Variants in RASEF observed in about 807,000 individuals in gnomAD.
The protein encoded by RASEF is ras and EF-hand domain-containing protein.
In RASEF, 68 loss-of-function variants were observed where a neutral mutation model predicts 90.1. That is an observed-to-expected ratio of 0.75 (90% CI 0.62 to 0.92). The LOEUF (loss-of-function observed/expected upper bound fraction) is 0.92. Among genes scored for constraint, RASEF ranks in the 40% least tolerant of loss-of-function variants. The pLI, the probability that RASEF is intolerant of heterozygous loss-of-function variation, is 0.00. For synonymous variants in RASEF, 331 were observed against 345.2 expected, an observed-to-expected ratio of 0.96 and a Z score of 0.46; for missense variants, 949 against 937.2, an observed-to-expected ratio of 1.01 and a Z score of -0.16.
chr9:83,057,288 C>T (rs1410149925), intron 1 of RASEF, among the ~76,000 whole-genome samples: 1 of 151,994 alleles, frequency 6.6e-6, no homozygotes, highest in Non-Finnish European at 1.5e-5. Flanking sequence ...TCTAGAAAAC[C>T]CTAAAGACTC....
the RASEF span, among the ~76,000 whole-genome samples, chr9:83,077,759 A>G: frequency 1.3e-5 from 2 of 152,198 alleles, no homozygotes; most frequent in Non-Finnish European, 2.9e-5. Context: ...TACTCATGGG[A>G]GGGAACCATC....
chr9:82,993,122 G>T, intron 14 of RASEF, 97 bp from the exon 15 acceptor site: 1 of 1,319,692 alleles, frequency 7.6e-7, no homozygotes, highest in Non-Finnish European at 1.0e-6. Context: ...TTTTCCCTTT[G>T]CCTCCTTTGT....
the RASEF span, among the ~76,000 whole-genome samples, chr9:83,097,209 C>T: frequency 6.6e-6 from 1 of 152,226 alleles, no homozygotes; most frequent in African/African-American, 2.4e-5. Context: ...AATCGCCACA[C>T]TGTCTTCCAC....
chr9:82,998,828 T>C (rs1391518547), intron 12 of RASEF, among the ~76,000 whole-genome samples: 2 of 152,136 alleles, frequency 1.3e-5, no homozygotes, highest in African/African-American at 4.8e-5. Flanking sequence ...TGTATGTGTG[T>C]AGGTGCAGAT....
At chr9:83,122,391 G>A in the RASEF span, among the ~76,000 whole-genome samples, 2 of 152,230 alleles carry the variant, frequency 1.3e-5, no homozygotes, top group Non-Finnish European at 2.9e-5. Flanking sequence ...GGCAGTGAGA[G>A]AAATCACCAT....
At chr9:83,207,325 C>T in the RASEF span, among the ~76,000 whole-genome samples, 631 of 152,258 alleles carry the variant, frequency 4.1e-3, 4 homozygotes, top group African/African-American at 0.014. Flanking sequence ...CTTTTGCTCT[C>T]GAGTTATTTC....
At chr9:83,041,369 C>T (rs923940444) in intron 1 of RASEF, among the ~76,000 whole-genome samples, 1 of 152,122 alleles carries the variant, frequency 6.6e-6, no homozygotes, top group Non-Finnish European at 1.5e-5. Context: ...TTTTACCTAC[C>T]TACCTTGCTA....
At chr9:83,062,250 C>G (rs1014800717) in intron 1 of RASEF, among the ~76,000 whole-genome samples, 187 bp downstream of exon 1, 1 of 152,168 alleles carries the variant, frequency 6.6e-6, no homozygotes, top group African/African-American at 2.4e-5. Context: ...CAAACGCTGA[C>G]TCTCTGACTC....
chr9:83,171,255 C>G, the RASEF span, among the ~76,000 whole-genome samples: 2 of 151,872 alleles, frequency 1.3e-5, no homozygotes, highest in African/African-American at 4.8e-5. Flanking sequence ...GTTGACCTAT[C>G]CTTGCATTCC....
the RASEF span, among the ~76,000 whole-genome samples, chr9:83,176,700 G>A: frequency 4.6e-5 from 7 of 151,534 alleles, no homozygotes; most frequent in Non-Finnish European, 7.4e-5. Flanking sequence ...TATCAAAATC[G>A]ACTTAAGATT....
At position 83,005,412 on chromosome 9, in the gene RASEF, A is replaced by C. The variant is rs771391004; in HGVS notation, c.1113+4T>G. The C allele has an allele frequency of 2.6e-5, 42 of 1,598,576 alleles. No homozygotes were observed. Among genetic ancestry groups the C allele is most frequent in the Non-Finnish European group, 3.5e-5 (41 of 1,165,882 alleles). ...GAAATACATGGTAAAACTATGTGGC[A>C]TACCAAAGATCTGTTGAACTTGCTA... is the stretch of plus-strand genomic sequence containing the variant. On this transcript the variant is annotated splice_donor_region_variant and intron_variant, in intron 8 of 16. Coordinates refer to ENST00000376447, the MANE Select transcript of RASEF (RefSeq NM_152573.4).
the RASEF span, among the ~76,000 whole-genome samples, chr9:83,129,134 G>A: frequency 1.3e-5 from 2 of 152,094 alleles, no homozygotes; most frequent in African/African-American, 2.4e-5. Context: ...GGGCCAAAAT[G>A]GTTCCACAAT....
chr9:83,096,588 C>T, the RASEF span, among the ~76,000 whole-genome samples: 1 of 152,104 alleles, frequency 6.6e-6, no homozygotes, highest in African/African-American at 2.4e-5. Context: ...GATGGGTGAG[C>T]TGATCCCTCA....
the RASEF span, among the ~76,000 whole-genome samples, chr9:83,128,177 A>G: frequency 6.6e-6 from 1 of 152,044 alleles, no homozygotes; most frequent in African/African-American, 2.4e-5. Flanking sequence ...GATGGCTTCA[A>G]TATTATAGTT....
chr9:83,002,128 T>C (rs1050784080), intron 9 of RASEF, among the ~76,000 whole-genome samples: 41 of 152,154 alleles, frequency 2.7e-4, no homozygotes, highest in Non-Finnish European at 2.6e-4. Context: ...CACTACACCC[T>C]GGGCACCACC....
the RASEF span, among the ~76,000 whole-genome samples, chr9:83,171,712 A>G: frequency 6.6e-6 from 1 of 151,852 alleles, no homozygotes; most frequent in Non-Finnish European, 1.5e-5. Flanking sequence ...ATGTATTGGC[A>G]TATAGTTGCT....
the RASEF span, among the ~76,000 whole-genome samples, chr9:83,160,380 C>G: frequency 5.5e-3 from 830 of 152,210 alleles, 6 homozygotes; most frequent in African/African-American, 0.019. Context: ...AAAGGTGACT[C>G]TAGTTATGTT....
At chr9:83,112,860 G>T in the RASEF span, among the ~76,000 whole-genome samples, 3 of 151,914 alleles carry the variant, frequency 2.0e-5, no homozygotes, top group African/African-American at 7.3e-5. Context: ...CACACATAGA[G>T]AAAAGACAAT....
chr9:83,010,350 G>C (rs563513001), intron 5 of RASEF, among the ~76,000 whole-genome samples: 6 of 152,282 alleles, frequency 3.9e-5, no homozygotes, highest in African/African-American at 1.4e-4. Flanking sequence ...CAAAGGAAAT[G>C]AACCAATAAC....
Sources: gnomAD v4.1 joint callset for allele counts (sites outside exome capture counted in the v4.1 genomes callset) on GRCh38, gnomAD v4.1.1 for gene constraint, MANE v1.5 for transcripts, NCBI Gene and HGNC (gene_info 2026-07-23, HGNC 2026-07-21) for gene names.